Variants in PLCB4 observed in about 807,000 individuals in gnomAD.
PLCB4 encodes the protein 1-phosphatidylinositol 4,5-bisphosphate phosphodiesterase beta-4.
PLCB4 carries 77 observed loss-of-function variants against 178.8 expected under a neutral mutation model. That is an observed-to-expected ratio of 0.43 (90% confidence interval 0.36 to 0.52). The LOEUF (loss-of-function observed/expected upper bound fraction) is 0.52, where lower values mean the gene tolerates loss of function less well. PLCB4 is among the 20% of genes least tolerant of loss of function. The pLI is 0.00. For missense variants in PLCB4, 1,024 were observed against 1,453.4 expected (o/e 0.70, Z 4.80); for synonymous variants, 496 against 490.8 (o/e 1.01, Z -0.14).
intron 32 of PLCB4, among the ~76,000 whole-genome samples, chr20:9,451,422 A>G (rs1254898213): frequency 6.6e-6 from 1 of 152,206 alleles, no homozygotes; most frequent in Non-Finnish European, 1.5e-5. Flanking sequence ...CTTCTGATAT[A>G]TTTTGAGACC....
At chr20:9,215,780 T>A (rs1448870760) in intron 2 of PLCB4, among the ~76,000 whole-genome samples, 1 of 152,234 alleles carries the variant, frequency 6.6e-6, no homozygotes, top group Non-Finnish European at 1.5e-5. Context: ...TCAGTGTTTC[T>A]TGTTTTCCCT....
intron 10 of PLCB4, among the ~76,000 whole-genome samples, chr20:9,371,932 G>T (rs1011618844): frequency 6.6e-6 from 1 of 152,178 alleles, no homozygotes; most frequent in Non-Finnish European, 1.5e-5. Flanking sequence ...CACAAAATAA[G>T]CATAATTAAA....
At chr20:9,144,539 G>A (rs2092555916) in intron 2 of PLCB4, among the ~76,000 whole-genome samples, 1 of 151,520 alleles carries the variant, frequency 6.6e-6, no homozygotes, top group Middle Eastern at 3.4e-3. Flanking sequence ...TTAAAGGCTG[G>A]TGTGGTGGCT....
chr20:9,218,885 C>T (rs2093764445), intron 3 of PLCB4, among the ~76,000 whole-genome samples: 1 of 152,132 alleles, frequency 6.6e-6, no homozygotes, highest in Non-Finnish European at 1.5e-5. Flanking sequence ...ATAATTCTCT[C>T]GGGACTTTAA....
At chr20:9,159,912 G>A (rs1044979218) in intron 2 of PLCB4, among the ~76,000 whole-genome samples, 1 of 152,140 alleles carries the variant, frequency 6.6e-6, no homozygotes, top group South Asian at 2.1e-4. Flanking sequence ...GTCTTTTACC[G>A]TTCAGTGTGC....
chr20:9,382,663 C>T (rs1047382283), intron 13 of PLCB4, among the ~76,000 whole-genome samples: 3 of 152,166 alleles, frequency 2.0e-5, no homozygotes, highest in Non-Finnish European at 4.4e-5. Flanking sequence ...ATGTACGTGA[C>T]CTCAGAAGGG....
chr20:9,258,714 CAAAA>C (rs969525907), intron 3 of PLCB4, among the ~76,000 whole-genome samples: 4 of 62,788 alleles, frequency 6.4e-5, no homozygotes, highest in African/African-American at 1.1e-4. Flanking sequence ...GACTTCCTCT[CAAAA>C]AAAAAAAAAA....
At chr20:9,278,706 G>A (rs941950996) in intron 3 of PLCB4, among the ~76,000 whole-genome samples, 3 of 151,936 alleles carry the variant, frequency 2.0e-5, no homozygotes, top group South Asian at 2.1e-4. Flanking sequence ...ATCTCACAAC[G>A]AGCAGATATG....
chr20:9,367,444 T>C (rs753648191), intron 9 of PLCB4, among the ~76,000 whole-genome samples: 103 of 152,336 alleles, frequency 6.8e-4, no homozygotes, highest in African/African-American at 2.4e-3. Context: ...CCTTGACTGA[T>C]GGTTGTTGGC....
At chr20:9,179,758 A>G (rs1371287188) in intron 2 of PLCB4, among the ~76,000 whole-genome samples, 1 of 152,188 alleles carries the variant, frequency 6.6e-6, no homozygotes, top group African/African-American at 2.4e-5. Flanking sequence ...TTATGAAGGA[A>G]CATTTTATAT....
At chr20:9,334,243 C>A (rs2032116638) in intron 4 of PLCB4, among the ~76,000 whole-genome samples, 1 of 152,112 alleles carries the variant, frequency 6.6e-6, no homozygotes, top group South Asian at 2.1e-4. Flanking sequence ...TCTCAGAGAT[C>A]AACTCAGGTG....
At position 9,476,667 on chromosome 20, in the gene PLCB4, C is replaced by T. The variant is rs150000418; in HGVS notation, c.3496-50C>T. ...CACTTCAATATTCATTTATTTTCTT[C>T]GTTTTGTATGTATGACTCAATTTTG... is the stretch of plus-strand genomic sequence containing the variant. On this transcript the variant is annotated intron_variant, in intron 38 of 39. Coordinates refer to ENST00000378473, the MANE Select transcript of PLCB4 (RefSeq NM_001377142.1). 5.1e-4 allele frequency: 644 copies of T among 1,261,860 alleles called. 3 individuals are homozygous for T. The African/African-American group carries it at 7.3e-3, about 14-fold the overall frequency. The allele number at this position is 1,261,860 out of a possible 1,614,324, so 78.2% of individuals were successfully genotyped here.
intron 9 of PLCB4, among the ~76,000 whole-genome samples, chr20:9,368,043 G>C (rs2035928368): frequency 1.3e-5 from 2 of 152,128 alleles, no homozygotes; most frequent in African/African-American, 4.8e-5. Context: ...GTTGGAAATT[G>C]TTGTGTATGT....
intron 25 of PLCB4, 65 bp from the exon 26 acceptor site, chr20:9,419,742 C>A: frequency 1.0e-6 from 1 of 979,302 alleles, no homozygotes; most frequent in Non-Finnish European, 1.7e-6. Flanking sequence ...TCCATTGTTT[C>A]AACTAGCGAG....
At chr20:9,102,151 CAG>C (rs1239799122) in intron 2 of PLCB4, among the ~76,000 whole-genome samples, 1 of 152,120 alleles carries the variant, frequency 6.6e-6, no homozygotes, top group East Asian at 1.9e-4. Context: ...GGCTGTAAAT[CAG>C]AGTTCTGAGT....
chr20:9,254,892 A>G (rs1391319592), intron 3 of PLCB4, among the ~76,000 whole-genome samples: 1 of 152,332 alleles, frequency 6.6e-6, no homozygotes, highest in East Asian at 1.9e-4. Context: ...ACAGCAAAGT[A>G]GTAAAAGTAT....
intron 25 of PLCB4, among the ~76,000 whole-genome samples, chr20:9,415,038 A>G (rs2040147593): frequency 6.6e-6 from 1 of 152,232 alleles, no homozygotes; most frequent in African/African-American, 2.4e-5. Flanking sequence ...AGTTTAATTT[A>G]TAAATTAGGC....
At chr20:9,283,580 C>T (rs150373476) in intron 3 of PLCB4, among the ~76,000 whole-genome samples, 4 of 152,056 alleles carry the variant, frequency 2.6e-5, no homozygotes, top group Non-Finnish European at 5.9e-5. Context: ...CAGAAGCTTT[C>T]TCCAGGAGGC....
intron 12 of PLCB4, among the ~76,000 whole-genome samples, chr20:9,379,517 G>T (rs565027750): frequency 1.3e-5 from 2 of 152,274 alleles, no homozygotes; most frequent in African/African-American, 4.8e-5. Context: ...AATGAAATTT[G>T]TTGAGTGCCC....
Sources: allele counts gnomAD v4.1 joint callset (sites outside exome capture counted in the v4.1 genomes callset), GRCh38; gene constraint gnomAD v4.1.1; transcripts MANE v1.5; gene names NCBI Gene and HGNC (gene_info 2026-07-23, HGNC 2026-07-21).